Variants in TRHDE observed in about 807,000 individuals in gnomAD.
The protein encoded by TRHDE is thyrotropin releasing hormone degrading enzyme, also known as thyrotropin-releasing hormone-degrading ectoenzyme.
A neutral mutation model predicts 125.7 loss-of-function variants in TRHDE; 72 were observed. The ratio of observed to expected loss-of-function variants is 0.57; its 90% CI spans 0.47 to 0.70. TRHDE has a LOEUF of 0.70. TRHDE is among the 30% of genes least tolerant of loss of function. The pLI, the probability that TRHDE is intolerant of heterozygous loss-of-function variation, is 0.00. For synonymous variants in TRHDE, 509 were observed against 509.1 expected, an observed-to-expected ratio of 1.00 and a Z score of 0.00; for missense variants, 1,110 against 1,327.1, an observed-to-expected ratio of 0.84 and a Z score of 2.54.
chr12:72,270,661 A>T (rs1453517185), upstream of TRHDE, among the ~76,000 whole-genome samples: 2 of 152,180 alleles, frequency 1.3e-5, no homozygotes, highest in African/African-American at 4.8e-5. Flanking sequence ...TCACTTTTTT[A>T]ATTAACCCAG....
chr12:72,325,086 TAAAAAA>T (rs952211504), intron 2 of TRHDE, among the ~76,000 whole-genome samples: 2 of 151,810 alleles, frequency 1.3e-5, no homozygotes, highest in African/African-American at 4.8e-5. Flanking sequence ...AAAAAGAATT[TAAAAAA>T]AGAAAAGCAG....
intron 2 of TRHDE, among the ~76,000 whole-genome samples, chr12:72,109,152 GGT>G (rs1413566052): frequency 6.6e-6 from 1 of 152,022 alleles, no homozygotes; most frequent in Non-Finnish European, 1.5e-5. Flanking sequence ...AGGTGCTAGT[GGT>G]GTGATGAAGA....
In TRHDE at chr12:72,652,442, A is replaced by G. The variant is rs201828294; in HGVS notation, c.2796A>G (p.Ile932Met). Residue 932 changes from isoleucine (I) to methionine (M), a missense_variant, in exon 16 of 19, where the codon ATA (isoleucine) becomes ATG (methionine). Coordinates refer to ENST00000261180, the MANE Select transcript of TRHDE (RefSeq NM_013381.3). The stretch of plus-strand genomic sequence containing the variant: ...CCACAGCAGTTTCTGAGAAGAAAAT[A>G]TTATTGGAAGCCTTAACTTGCAGTG... ...HSTTAVSEKK[I>M]LLEALTCSDD... 1.2e-6 allele frequency: 2 copies of G among 1,609,026 alleles called. No homozygotes were observed. Among genetic ancestry groups the G allele is most frequent in the African/African-American group, 2.7e-5 (2 of 74,688 alleles).
At chr12:72,537,622 A>G (rs986574816) in intron 6 of TRHDE, among the ~76,000 whole-genome samples, 4 of 152,054 alleles carry the variant, frequency 2.6e-5, no homozygotes, top group African/African-American at 7.2e-5. Flanking sequence ...ACGGACTAGT[A>G]CAACTTACAA....
chr12:72,114,688 G>A (rs1466179256), intron 2 of TRHDE, among the ~76,000 whole-genome samples: 2 of 152,056 alleles, frequency 1.3e-5, no homozygotes, highest in African/African-American at 4.8e-5. Context: ...TCAACTGTGT[G>A]TGCAGTGGTT....
chr12:72,508,777 G>A (rs1878462580), intron 6 of TRHDE, among the ~76,000 whole-genome samples: 1 of 152,142 alleles, frequency 6.6e-6, no homozygotes, highest in Admixed American at 6.5e-5. Context: ...TGTTGGAGGA[G>A]GGCCTGGTGG....
chr12:72,112,452 T>C (rs1044611744), intron 2 of TRHDE, among the ~76,000 whole-genome samples: 1 of 152,190 alleles, frequency 6.6e-6, no homozygotes, highest in Non-Finnish European at 1.5e-5. Context: ...ACAGCATTGG[T>C]GTAACTGGAA....
rs568119276 is a variant in TRHDE, at chr12:72,218,938, C to G, written n.279+113186C>G. On this transcript the variant is annotated intron_variant and non_coding_transcript_variant, in intron 2 of 4. Coordinates refer to the TRHDE transcript ENST00000548156. ...ACTTTTGGGGAGCTATTATTCAACC[C>G]ATTTTAACCCCTTATCCCTTAGTTT... Among the ~76,000 whole-genome samples, 9 of 152,272 alleles carry G rather than the reference C, an allele frequency of 5.9e-5. No individual in the cohort carries two copies. In the East Asian group the frequency reaches 1.7e-3, roughly 29 times the overall value.
At chr12:72,428,936 A>T (rs1400465558) in intron 3 of TRHDE, among the ~76,000 whole-genome samples, 1 of 152,120 alleles carries the variant, frequency 6.6e-6, no homozygotes, top group Non-Finnish European at 1.5e-5. Context: ...GTATCTAATT[A>T]ATCCTTATGG....
chr12:72,658,940 G>T (rs578254365), intron 18 of TRHDE, among the ~76,000 whole-genome samples: 2 of 152,036 alleles, frequency 1.3e-5, no homozygotes, highest in Non-Finnish European at 2.9e-5. Context: ...TGGGGGTTTT[G>T]GTTTTTATGG....
At chr12:72,585,332 G>T (rs2136041362) in intron 12 of TRHDE, among the ~76,000 whole-genome samples, 1 of 152,216 alleles carries the variant, frequency 6.6e-6, no homozygotes, top group African/African-American at 2.4e-5. Flanking sequence ...TTGGCTATCA[G>T]GTTACATAGA....
chr12:72,578,869 A>G (rs929817363), intron 12 of TRHDE, among the ~76,000 whole-genome samples: 2 of 152,144 alleles, frequency 1.3e-5, no homozygotes, highest in African/African-American at 4.8e-5. Flanking sequence ...AAGAGATACA[A>G]TATGAAATCT....
rs188223140 is a variant in TRHDE at position 72,262,142 on chromosome 12, A to G, written n.280-115853A>G. On this transcript the variant is annotated intron_variant and non_coding_transcript_variant, in intron 2 of 4. Coordinates refer to the TRHDE transcript ENST00000548156. ...AAATGAGACTGAGGTCAAGACTACA[A>G]TTCGTTCTCTTGTTTTAATGCAATT... Among the ~76,000 whole-genome samples the G allele has an allele frequency of 3.9e-5, 6 of 152,266 alleles. No individual in the cohort carries two copies. In the East Asian group the frequency reaches 5.8e-4, roughly 15 times the overall value.
intron 12 of TRHDE, among the ~76,000 whole-genome samples, chr12:72,611,517 C>T (rs574022289): frequency 2.0e-5 from 3 of 152,272 alleles, no homozygotes; most frequent in Admixed American, 2.0e-4. Context: ...CCCTCTTGAC[C>T]TTTTTGCACT....
intron 2 of TRHDE, among the ~76,000 whole-genome samples, chr12:72,376,173 G>A (rs1055070373): frequency 3.3e-5 from 5 of 152,136 alleles, no homozygotes; most frequent in African/African-American, 9.7e-5. Context: ...ACTCACCAGC[G>A]TAATTCACAC....
chr12:72,562,153 A>G lies in TRHDE; in HGVS notation c.1789-12A>G, dbSNP rs1565790940. The G allele has an allele frequency of 1.5e-6, 2 of 1,346,950 alleles. No individual in the cohort carries two copies. Among genetic ancestry groups the G allele is most frequent in the East Asian group, 2.3e-5 (1 of 42,876 alleles). The allele number at this position is 1,346,950 out of a possible 1,614,324, so 83.4% of individuals were successfully genotyped here. Reference sequence around the variant, plus strand: ...ACCTTTGAATTACAATTACAATTTTATATTCTTGTAGGATTATTTAACCAT... The same window carrying G: ...ACCTTTGAATTACAATTACAATTTTGTATTCTTGTAGGATTATTTAACCAT... On this transcript the variant is annotated splice_polypyrimidine_tract_variant and intron_variant, in intron 7 of 18. Coordinates refer to ENST00000261180, the MANE Select transcript of TRHDE (RefSeq NM_013381.3).
Position 72,628,450 on chromosome 12 carries a change from C to A in TRHDE, c.2675+6699C>A, listed in dbSNP as rs1192879934. ...CTCAAGATTAGATTCTTGATACTTT[C>A]AAAAAGTTTAGCTGATTGGGCAGAA... On this transcript the variant is annotated intron_variant, in intron 15 of 18. Coordinates refer to ENST00000261180, the MANE Select transcript of TRHDE (RefSeq NM_013381.3). Among the ~76,000 whole-genome samples, 8 of 151,840 alleles carry A rather than the reference C, an allele frequency of 5.3e-5. No individual in the cohort carries two copies. The East Asian group carries it at 1.5e-3, about 29-fold the overall frequency.
chr12:72,403,152 A>G (rs1183810221), intron 3 of TRHDE, among the ~76,000 whole-genome samples: 1 of 152,160 alleles, frequency 6.6e-6, no homozygotes, highest in African/African-American at 2.4e-5. Context: ...GGAAGCTGAC[A>G]ATCTAGTGGC....
At chr12:72,344,825 C>T (rs1870241761) in intron 2 of TRHDE, among the ~76,000 whole-genome samples, 1 of 152,020 alleles carries the variant, frequency 6.6e-6, no homozygotes, top group African/African-American at 2.4e-5. Context: ...GAACACTCTT[C>T]TTATGGATGA....
Sources: allele counts gnomAD v4.1 joint callset (sites outside exome capture counted in the v4.1 genomes callset), GRCh38; gene constraint gnomAD v4.1.1; transcripts MANE v1.5; gene names NCBI Gene and HGNC (gene_info 2026-07-23, HGNC 2026-07-21).